The following ITGB1 variants were observed in gnomAD, a reference collection of about 807,000 sequenced individuals.
The protein encoded by ITGB1 is integrin beta-1.
A neutral mutation model predicts 86.5 loss-of-function variants in ITGB1; 24 were observed. The ratio of observed to expected loss-of-function variants is 0.28; its 90% confidence interval spans 0.20 to 0.39. The LOEUF (loss-of-function observed/expected upper bound fraction) is 0.39. Ranked by LOEUF, ITGB1 falls within the 10% of genes least tolerant of loss-of-function variation. ITGB1 has a pLI of 1.00. For missense variants in ITGB1, 556 were observed against 946.9 expected (o/e 0.59, Z 5.42); for synonymous variants, 323 against 316.8 (o/e 1.02, Z -0.21).
chr10:32,939,493 C>T (rs561996904), intron 1 of ITGB1, among the ~76,000 whole-genome samples: 1 of 152,332 alleles, frequency 6.6e-6, no homozygotes, highest in South Asian at 2.1e-4. Context: ...CATCCAGGCT[C>T]TACGGTACAG....
chr10:32,929,876 G>T lies in ITGB1; in HGVS notation c.322C>A (p.Pro108Thr). The change falls in exon 4 of 16, where the codon CCA (proline) becomes ACA (threonine). Residue 108 changes from proline (P) to threonine (T), a missense_variant. Coordinates refer to ENST00000302278, the MANE Select transcript of ITGB1 (RefSeq NM_002211.4). The stretch of plus-strand genomic sequence containing the variant: ...GGTTGGATCTGAGTAATATCCTCTG[G>T]CTTGAGCTTCTCTGCTGTTCCTTTG... ...RSKGTAEKLK[P>T]EDITQIQPQQ... The T allele has an allele frequency of 6.2e-7, 1 of 1,613,572 alleles. No individual in the cohort carries two copies. Among genetic ancestry groups the T allele is most frequent in the Non-Finnish European group, 8.5e-7 (1 of 1,179,566 alleles).
At chr10:32,934,809 T>C (rs1222768080) in intron 2 of ITGB1, among the ~76,000 whole-genome samples, 1 of 152,214 alleles carries the variant, frequency 6.6e-6, no homozygotes. Context: ...GTTTACGGTG[T>C]TCTGACACAG....
chr10:32,924,417 T>TAC (rs1001152547), intron 6 of ITGB1, among the ~76,000 whole-genome samples: 6 of 152,252 alleles, frequency 3.9e-5, no homozygotes, highest in Non-Finnish European at 8.8e-5. Flanking sequence ...TATAGGAATT[T>TAC]ACCTGCTTTC....
Position 32,910,622 on chromosome 10 carries a change from T to C in ITGB1, c.1932-167A>G, listed in dbSNP as rs373103086. ...ATTACATTTGTGGATAGAAAAATTA[T>C]GTAAAAAGATGCTAATTTCCATAAT... is the stretch of plus-strand genomic sequence containing the variant. On this transcript the variant is annotated intron_variant, in intron 13 of 15. Transcript: ENST00000302278. 2.6e-5 allele frequency among the ~76,000 whole-genome samples: 4 copies of C among 152,338 alleles called. 1 individual carries two copies. In the South Asian group the frequency reaches 8.3e-4, roughly 32 times the overall value.
intron 11 of ITGB1, among the ~76,000 whole-genome samples, chr10:32,912,996 A>ATTCTGCAATATTTGCTG (rs1302116254): frequency 6.6e-6 from 1 of 152,190 alleles, no homozygotes; most frequent in Non-Finnish European, 1.5e-5. Flanking sequence ...AACATTTGCC[A>ATTCTGCAATATTTGCTG]TTCTGCAATA....
intron 1 of ITGB1, among the ~76,000 whole-genome samples, chr10:32,942,839 C>T (rs1443098127): frequency 3.3e-5 from 5 of 151,956 alleles, no homozygotes; most frequent in Non-Finnish European, 7.4e-5. Flanking sequence ...TATGAGCCAT[C>T]ATGCCCACCT....
At chr10:32,957,574 G>T (rs1234530734) in intron 1 of ITGB1, among the ~76,000 whole-genome samples, 1 of 147,864 alleles carries the variant, frequency 6.8e-6, no homozygotes, top group Non-Finnish European at 1.5e-5. Context: ...CGCCCGCGGC[G>T]CTGGCCCCAG....
chr10:32,926,791 G>C (rs531209673), intron 5 of ITGB1, among the ~76,000 whole-genome samples: 1 of 152,260 alleles, frequency 6.6e-6, no homozygotes, highest in South Asian at 2.1e-4. Context: ...CCAGAGAGCT[G>C]CTGTCTCCCT....
chr10:32,953,173 C>T (rs769045764), intron 1 of ITGB1, among the ~76,000 whole-genome samples: 3 of 152,226 alleles, frequency 2.0e-5, no homozygotes, highest in Non-Finnish European at 4.4e-5. Flanking sequence ...TCCTACACAA[C>T]GTGTTCCAAA....
intron 11 of ITGB1, among the ~76,000 whole-genome samples, chr10:32,914,823 C>T (rs1298171046): frequency 3.3e-5 from 5 of 152,110 alleles, no homozygotes; most frequent in African/African-American, 4.8e-5. Context: ...ACCTAATAGA[C>T]ATCTACAGAA....
At chr10:32,909,666 A>C (rs1304881386) in intron 14 of ITGB1, among the ~76,000 whole-genome samples, 1 of 152,190 alleles carries the variant, frequency 6.6e-6, no homozygotes, top group Admixed American at 6.5e-5. Context: ...CATATGCTCC[A>C]AAATGCCATT....
chr10:32,933,996 T>A (rs1276920353), intron 2 of ITGB1, among the ~76,000 whole-genome samples: 1 of 152,138 alleles, frequency 6.6e-6, no homozygotes, highest in African/African-American at 2.4e-5. Context: ...CAAGTACACA[T>A]ATACACATAC....
intron 1 of ITGB1, chr10:32,944,867 G>A: frequency 2.3e-6 from 3 of 1,314,178 alleles, no homozygotes; most frequent in East Asian, 2.4e-5. Context: ...CATTCAGCAT[G>A]AGGATGATAA....
At chr10:32,951,454 T>C (rs904265124) in intron 1 of ITGB1, among the ~76,000 whole-genome samples, 1 of 151,804 alleles carries the variant, frequency 6.6e-6, no homozygotes, top group Non-Finnish European at 1.5e-5. Flanking sequence ...AATAGCTTTA[T>C]GTGAGAAACG....
chr10:32,921,172 A>AC (rs1555220590), intron 9 of ITGB1, among the ~76,000 whole-genome samples: 2 of 151,824 alleles, frequency 1.3e-5, no homozygotes, highest in Non-Finnish European at 2.9e-5. Context: ...CCAAAAAAAA[A>AC]AAAAAACAAA....
intron 15 of ITGB1, among the ~76,000 whole-genome samples, chr10:32,907,389 G>C (rs76752110): frequency 0.064 from 9,693 of 152,070 alleles, 513 homozygotes; most frequent in South Asian, 0.25. Context: ...ATACACAAAG[G>C]CCAACATTTG....
chr10:32,904,811 C>T (rs1593850392), intron 15 of ITGB1, among the ~76,000 whole-genome samples: 1 of 152,110 alleles, frequency 6.6e-6, no homozygotes, highest in East Asian at 1.9e-4. Context: ...ACTTCTGCTT[C>T]CTGAATTACA....
intron 14 of ITGB1, among the ~76,000 whole-genome samples, chr10:32,910,010 A>G (rs559226536): frequency 6.0e-4 from 91 of 152,252 alleles, no homozygotes; most frequent in African/African-American, 2.0e-3. Flanking sequence ...TTAATCTTCA[A>G]ACTCTCCACT....
At chr10:32,932,962 T>C (rs2094988814) in intron 2 of ITGB1, among the ~76,000 whole-genome samples, 1 of 152,128 alleles carries the variant, frequency 6.6e-6, no homozygotes, top group Admixed American at 6.6e-5. Flanking sequence ...ATATTATTAT[T>C]GACTACAGTC....
Sources: gnomAD v4.1 joint callset for allele counts (sites outside exome capture counted in the v4.1 genomes callset) on GRCh38, gnomAD v4.1.1 for gene constraint, MANE v1.5 for transcripts, NCBI Gene and HGNC (gene_info 2026-07-23, HGNC 2026-07-21) for gene names.